CLSTN1: variants seen among roughly 807,000 people sequenced by gnomAD.
CLSTN1 encodes calsyntenin-1.
Under a neutral mutation model 108.3 loss-of-function variants are expected in CLSTN1, and 28 were observed. The observed-to-expected ratio is 0.26, with a 90% CI of 0.19 to 0.35. The LOEUF is 0.35. Among genes scored for constraint, CLSTN1 ranks in the 10% least tolerant of loss-of-function variants. CLSTN1 has a pLI of 1.00. For missense variants in CLSTN1, 1,157 were observed against 1,302.6 expected (o/e 0.89, Z 1.72); for synonymous variants, 524 against 534.9 (o/e 0.98, Z 0.28).
intron 10 of CLSTN1, among the ~76,000 whole-genome samples, chr1:9,740,303 G>T (rs1194715270): frequency 6.7e-6 from 1 of 150,066 alleles, no homozygotes; most frequent in Non-Finnish European, 1.5e-5. Flanking sequence ...CAAGTGATCT[G>T]CCCGCCTCAG....
chr1:9,823,508 C>A lies in CLSTN1; in HGVS notation c.91+135G>T. 2.2e-6 allele frequency: 1 copy of A among 449,046 alleles called. No individual in the cohort carries two copies. The highest frequency in any genetic ancestry group is 3.1e-6 in the Non-Finnish European group (1 of 323,044). 27.8% of individuals were successfully genotyped at this position (449,046 alleles called of 1,614,324 possible). On this transcript the variant is annotated intron_variant, in intron 1 of 18. Coordinates refer to ENST00000377298, the MANE Select transcript of CLSTN1 (RefSeq NM_001009566.3). This position sits in a 1 kb window ranked among gnomAD's most constrained non-coding sequence, Gnocchi z 6.3. ...CTCCCTGCGCTCGGACCCGACTCCC[C>A]GCATCCCGGCTCGAATCCCGGCATC...
intron 1 of CLSTN1, among the ~76,000 whole-genome samples, chr1:9,820,020 G>T (rs1183959744): frequency 6.6e-6 from 1 of 151,514 alleles, no homozygotes; most frequent in African/African-American, 2.4e-5. Context: ...CAACAGAATT[G>T]ATCCTTGAAC....
chr1:9,787,032 G>A (rs1480164920), intron 1 of CLSTN1, among the ~76,000 whole-genome samples: 1 of 151,394 alleles, frequency 6.6e-6, no homozygotes, highest in Admixed American at 6.7e-5. Context: ...AGTTGGGGGT[G>A]AAGAGGTGGC....
At chr1:9,741,585 A>G (rs1650987077) in intron 9 of CLSTN1, among the ~76,000 whole-genome samples, 1 of 152,156 alleles carries the variant, frequency 6.6e-6, no homozygotes, top group Non-Finnish European at 1.5e-5. Flanking sequence ...GAGTTAGTTT[A>G]CCACTGGCCA....
chr1:9,749,157 G>A (rs1651426395), intron 7 of CLSTN1, among the ~76,000 whole-genome samples: 1 of 152,116 alleles, frequency 6.6e-6, no homozygotes, highest in Non-Finnish European at 1.5e-5. Context: ...TCCCACCTCG[G>A]CCTCCTAAAG....
chr1:9,729,139 A>T lies in CLSTN1; in HGVS notation c.*1369T>A, dbSNP rs576319585. 1.1e-4 allele frequency: 16 copies of T among 152,346 alleles called. No individual in the cohort carries two copies. The highest frequency in any genetic ancestry group is 8.5e-4 in the Admixed American group (13 of 15,300). The allele number at this position is 152,346 out of a possible 1,614,324, so 9.4% of individuals were successfully genotyped here. ...AGCGTGAGGACATCCCCTGGGCGTGAGCGTCTGTCCGCTGTCTAAACAGAG... is the reference window on the plus strand; with the variant it reads ...AGCGTGAGGACATCCCCTGGGCGTGTGCGTCTGTCCGCTGTCTAAACAGAG... On this transcript the variant is annotated 3_prime_UTR_variant, in exon 19 of 19. Coordinates refer to ENST00000377298, the MANE Select transcript of CLSTN1 (RefSeq NM_001009566.3).
At chr1:9,789,878 C>T (rs1653680508) in intron 1 of CLSTN1, among the ~76,000 whole-genome samples, 1 of 151,270 alleles carries the variant, frequency 6.6e-6, no homozygotes, top group African/African-American at 2.4e-5. Flanking sequence ...ACTTGGGAGG[C>T]TGAGGTGGGA....
chr1:9,741,930 A>C (rs1334773143), intron 9 of CLSTN1, among the ~76,000 whole-genome samples: 2 of 152,226 alleles, frequency 1.3e-5, no homozygotes, highest in Non-Finnish European at 2.9e-5. Context: ...CGCCGACAAA[A>C]AAGTGCCTTT....
At chr1:9,752,476 C>A (rs1357573091) in intron 4 of CLSTN1, among the ~76,000 whole-genome samples, 1 of 152,206 alleles carries the variant, frequency 6.6e-6, no homozygotes, top group Non-Finnish European at 1.5e-5. Flanking sequence ...TCACCATGAG[C>A]CTCCTCATCC....
At chr1:9,788,894 G>C (rs1301025717) in intron 1 of CLSTN1, among the ~76,000 whole-genome samples, 1 of 149,802 alleles carries the variant, frequency 6.7e-6, no homozygotes, top group Non-Finnish European at 1.5e-5. Flanking sequence ...AAAAACAAAA[G>C]GAATTTGACT....
Position 9,730,775 on chromosome 1 carries a change from TCGA to T in CLSTN1, c.2749-73_2749-71del. 7.1e-7 allele frequency: 1 copy of T among 1,412,452 alleles called. No homozygotes were observed. The highest frequency in any genetic ancestry group is 9.7e-7 in the Non-Finnish European group (1 of 1,032,232). 87.5% of individuals were successfully genotyped at this position (1,412,452 alleles called of 1,614,324 possible). On this transcript the variant is annotated intron_variant, in intron 18 of 18. Coordinates refer to ENST00000377298, the MANE Select transcript of CLSTN1 (RefSeq NM_001009566.3). This position sits in a 1 kb window ranked among gnomAD's most constrained non-coding sequence, Gnocchi z 5.6. ...AGCCCCGTCACCTGGCATTCTCCTC[TCGA>T]CAGCCACAGAGGAAGGAGAACTTGC...
At chr1:9,737,235 A>G (rs1280669028) in intron 11 of CLSTN1, among the ~76,000 whole-genome samples, 1 of 136,184 alleles carries the variant, frequency 7.3e-6, no homozygotes, top group Non-Finnish European at 1.6e-5. Context: ...AGCCTCATGC[A>G]GTGGGGTCAG....
intron 1 of CLSTN1, among the ~76,000 whole-genome samples, chr1:9,778,299 C>A (rs927230400): frequency 6.6e-6 from 1 of 151,376 alleles, no homozygotes; most frequent in Non-Finnish European, 1.5e-5. Context: ...CCTTTTCATT[C>A]TCTAATTCCC....
intron 5 of CLSTN1, 108 bp from the exon 6 acceptor site, chr1:9,750,021 C>A: frequency 3.4e-6 from 3 of 880,384 alleles, no homozygotes; most frequent in Non-Finnish European, 3.5e-6. Context: ...TGTAAATACT[C>A]AGCCAGAAAT....
chr1:9,793,935 C>T (rs573606322), intron 1 of CLSTN1, among the ~76,000 whole-genome samples: 1 of 151,586 alleles, frequency 6.6e-6, no homozygotes, highest in African/African-American at 2.4e-5. Flanking sequence ...GGGTTTCCAA[C>T]AGACACCTTC....
chr1:9,802,476 T>C (rs1654317340), intron 1 of CLSTN1, among the ~76,000 whole-genome samples: 1 of 152,224 alleles, frequency 6.6e-6, no homozygotes, highest in African/African-American at 2.4e-5. Context: ...TCAAATAATG[T>C]GACTTTGTTA....
intron 1 of CLSTN1, among the ~76,000 whole-genome samples, chr1:9,794,294 C>T (rs1653894828): frequency 6.6e-6 from 1 of 151,302 alleles, no homozygotes; most frequent in Non-Finnish European, 1.5e-5. Flanking sequence ...AACTGTTGAC[C>T]GTATATTTTC....
intron 1 of CLSTN1, among the ~76,000 whole-genome samples, chr1:9,782,908 G>T (rs12034239): frequency 0.17 from 26,199 of 152,204 alleles, 3,463 homozygotes; most frequent in African/African-American, 0.35. Flanking sequence ...CCAGGAGGCT[G>T]AGGTAGGAGA....
At chr1:9,782,066 A>G (rs1056339596) in intron 1 of CLSTN1, among the ~76,000 whole-genome samples, 1 of 152,202 alleles carries the variant, frequency 6.6e-6, no homozygotes, top group African/African-American at 2.4e-5. Context: ...GTTTTTTAAA[A>G]TAAGAGCATG....
Sources: gnomAD v4.1 joint callset for allele counts (sites outside exome capture counted in the v4.1 genomes callset) on GRCh38, gnomAD v4.1.1 for gene constraint, Gnocchi (gnomAD v3.1) non-coding constraint, MANE v1.5 for transcripts, NCBI Gene and HGNC (gene_info 2026-07-23, HGNC 2026-07-21) for gene names.